NYAP2: variants seen among roughly 807,000 people sequenced by gnomAD.
NYAP2 encodes neuronal tyrosine-phosphorylated phosphoinositide-3-kinase adaptor 2.
NYAP2 carries 23 observed loss-of-function variants against 50.4 expected under a neutral mutation model. The ratio of observed to expected loss-of-function variants is 0.46; its 90% CI spans 0.33 to 0.65. The LOEUF (loss-of-function observed/expected upper bound fraction) is 0.65, where lower values mean the gene tolerates loss of function less well. Ranked by LOEUF, NYAP2 falls within the 30% of genes least tolerant of loss-of-function variation. NYAP2 has a pLI of 0.02. For missense variants in NYAP2, 885 were observed against 861.0 expected (o/e 1.03, Z -0.35); for synonymous variants, 394 against 365.2 (o/e 1.08, Z -0.90).
At chr2:225,543,722 A>G (rs932280931) in intron 4 of NYAP2, among the ~76,000 whole-genome samples, 4 of 152,042 alleles carry the variant, frequency 2.6e-5, no homozygotes, top group Admixed American at 2.0e-4. Flanking sequence ...TGAGGAGAAA[A>G]ATGTGTATTT....
the NYAP2 span, chr2:225,699,592 T>C: frequency 5.3e-4 from 81 of 151,946 alleles, no homozygotes; most frequent in African/African-American, 1.7e-3. Context: ...TTTAGATCTA[T>C]TAATAAAATA....
At chr2:225,581,119 T>C (rs1223727887) in intron 4 of NYAP2, among the ~76,000 whole-genome samples, 1 of 152,208 alleles carries the variant, frequency 6.6e-6, no homozygotes, top group East Asian at 1.9e-4. Flanking sequence ...TGCAATACGT[T>C]GGTACACATA....
intron 5 of NYAP2, among the ~76,000 whole-genome samples, chr2:225,600,785 G>A (rs1024991339): frequency 1.2e-4 from 18 of 152,150 alleles, no homozygotes; most frequent in African/African-American, 2.9e-4. Flanking sequence ...AACTATTCTA[G>A]GTAGCTGATG....
At chr2:225,673,112 T>A in the NYAP2 span, among the ~76,000 whole-genome samples, 1 of 152,030 alleles carries the variant, frequency 6.6e-6, no homozygotes, top group Non-Finnish European at 1.5e-5. Flanking sequence ...ATGTCTTATA[T>A]GGATGGTGGC....
At chr2:225,512,768 C>A (rs1268162613) in intron 3 of NYAP2, among the ~76,000 whole-genome samples, 2 of 134,576 alleles carry the variant, frequency 1.5e-5, no homozygotes, top group Non-Finnish European at 3.2e-5. Context: ...CTTTCTTTCT[C>A]TTTTTCTCTT....
intron 4 of NYAP2, among the ~76,000 whole-genome samples, chr2:225,580,215 A>G (rs1299386485): frequency 6.6e-6 from 1 of 152,214 alleles, no homozygotes; most frequent in Non-Finnish European, 1.5e-5. Flanking sequence ...AACCTTGTTC[A>G]CTGATTTACA....
chr2:225,495,639 T>G (rs534595011), intron 3 of NYAP2, among the ~76,000 whole-genome samples: 14 of 152,190 alleles, frequency 9.2e-5, no homozygotes, highest in Non-Finnish European at 2.1e-4. Flanking sequence ...GTTTAATTAA[T>G]TGACTAATAA....
intron 5 of NYAP2, among the ~76,000 whole-genome samples, chr2:225,604,584 A>G (rs1475305335): frequency 6.6e-6 from 1 of 152,054 alleles, no homozygotes; most frequent in African/African-American, 2.4e-5. Flanking sequence ...ATATATTTCT[A>G]TGTGTTTTGC....
intron 4 of NYAP2, among the ~76,000 whole-genome samples, chr2:225,575,160 A>G (rs556074331): frequency 6.6e-6 from 1 of 152,250 alleles, no homozygotes; most frequent in East Asian, 1.9e-4. Flanking sequence ...ACGACAGGCA[A>G]CATCTTGCCA....
chr2:225,618,191 T>C (rs542400927), intron 5 of NYAP2, among the ~76,000 whole-genome samples: 2 of 152,242 alleles, frequency 1.3e-5, no homozygotes, highest in Non-Finnish European at 2.9e-5. Context: ...ACAGCTACCG[T>C]ACCAAGGGCT....
At chr2:225,570,181 A>T (rs1692041204) in intron 4 of NYAP2, among the ~76,000 whole-genome samples, 1 of 152,190 alleles carries the variant, frequency 6.6e-6, no homozygotes, top group Admixed American at 6.5e-5. Context: ...CTTCTTGGGA[A>T]TGCTGGCTGC....
chr2:225,554,350 T>A (rs1691736122), intron 4 of NYAP2, among the ~76,000 whole-genome samples: 1 of 149,934 alleles, frequency 6.7e-6, no homozygotes, highest in Admixed American at 6.7e-5. Context: ...AGACAGAATC[T>A]CATTCTGTCA....
chr2:225,577,743 A>T (rs1484678004), intron 4 of NYAP2, among the ~76,000 whole-genome samples: 1 of 152,102 alleles, frequency 6.6e-6, no homozygotes, highest in Non-Finnish European at 1.5e-5. Flanking sequence ...ACCTCAAAGA[A>T]CCTCTGATTT....
chr2:225,524,577 T>C lies in NYAP2; in HGVS notation c.523+10905T>C, dbSNP rs893577536. On this transcript the variant is annotated intron_variant, in intron 4 of 6. Transcript: ENST00000636099. The stretch of plus-strand genomic sequence containing the variant: ...CATCACAAAGCTGGATCCATACCTC[T>C]CAGCATATACAAAAATCAACTCAAG... Among the ~76,000 whole-genome samples, 12 of 152,170 alleles carry C rather than the reference T, an allele frequency of 7.9e-5. No individual in the cohort carries two copies. The East Asian group carries it at 1.9e-3, about 24-fold the overall frequency.
the NYAP2 span, among the ~76,000 whole-genome samples, chr2:225,690,387 C>T: frequency 0.084 from 12,715 of 151,988 alleles, 615 homozygotes; most frequent in East Asian, 0.24. Flanking sequence ...TCCAGCTCTA[C>T]GTTATATCAA....
chr2:225,536,256 GGC>G (rs1172537280), intron 4 of NYAP2, among the ~76,000 whole-genome samples: 18 of 152,250 alleles, frequency 1.2e-4, no homozygotes, highest in African/African-American at 4.1e-4. Flanking sequence ...GTTCTCCCAA[GGC>G]GCTACCACAT....
At chr2:225,564,452 G>A (rs1349542003) in intron 4 of NYAP2, among the ~76,000 whole-genome samples, 3 of 151,686 alleles carry the variant, frequency 2.0e-5, no homozygotes, top group Non-Finnish European at 4.4e-5. Flanking sequence ...TTCTAACATG[G>A]ATCAAGCTAC....
At chr2:225,433,981 A>G (rs1329765744) in intron 3 of NYAP2, among the ~76,000 whole-genome samples, 1 of 152,192 alleles carries the variant, frequency 6.6e-6, no homozygotes, top group East Asian at 1.9e-4. Flanking sequence ...TATAATTACC[A>G]AACCAGGGAC....
exon 4 of NYAP2, chr2:225,513,517 C>G: frequency 1.2e-6 from 2 of 1,613,744 alleles, no homozygotes; most frequent in Non-Finnish European, 1.7e-6. Context: ...TCCCTGCACT[C>G]GGTTGGGGGC....
Sources: allele counts gnomAD v4.1 joint callset (sites outside exome capture counted in the v4.1 genomes callset), GRCh38; gene constraint gnomAD v4.1.1; transcripts MANE v1.5; gene names NCBI Gene and HGNC (gene_info 2026-07-23, HGNC 2026-07-21).